The following TP53BP1 variants were observed in gnomAD, a reference collection of about 807,000 sequenced individuals.
TP53BP1 encodes the protein tumor protein p53 binding protein 1.
A neutral mutation model predicts 200.8 loss-of-function variants in TP53BP1; 61 were observed. The observed-to-expected ratio is 0.30, with a 90% confidence interval of 0.25 to 0.38. The LOEUF (loss-of-function observed/expected upper bound fraction) is 0.38. Ranked by LOEUF, TP53BP1 falls within the 10% of genes least tolerant of loss-of-function variation. The pLI, the probability that TP53BP1 is intolerant of heterozygous loss-of-function variation, is 1.00. For synonymous variants in TP53BP1, 822 were observed against 844.3 expected (o/e 0.97, Z 0.46); for missense variants, 2,144 against 2,371.9 (o/e 0.90, Z 2.00).
At chr15:43,430,852 T>C (rs1241874380) in intron 17 of TP53BP1, among the ~76,000 whole-genome samples, 1 of 152,192 alleles carries the variant, frequency 6.6e-6, no homozygotes, top group Non-Finnish European at 1.5e-5. Flanking sequence ...TTACCACAGA[T>C]TTTAGTAACT....
intron 1 of TP53BP1, among the ~76,000 whole-genome samples, chr15:43,500,010 T>A (rs535568378): frequency 3.2e-4 from 48 of 152,320 alleles, no homozygotes; most frequent in Non-Finnish European, 5.9e-4. Flanking sequence ...CTAAGTTCTA[T>A]TTACTCTCAC....
At chr15:43,427,970 A>AAAAG (rs768893730) in intron 18 of TP53BP1, 46 bp downstream of exon 18, 1 of 1,407,362 alleles carries the variant, frequency 7.1e-7, no homozygotes, top group Non-Finnish European at 9.5e-7. Flanking sequence ...AAAAAAAAAA[A>AAAAG]AAAGAAAGAA....
intron 22 of TP53BP1, 137 bp downstream of exon 22, chr15:43,416,088 C>T (rs907322660): frequency 2.4e-6 from 2 of 840,362 alleles, no homozygotes; most frequent in Non-Finnish European, 1.8e-6. Context: ...TAGAAAATGA[C>T]AGCTCATCCA....
At chr15:43,509,291 C>G (rs1035959810) in intron 1 of TP53BP1, among the ~76,000 whole-genome samples, 2 of 148,190 alleles carry the variant, frequency 1.3e-5, no homozygotes, top group Non-Finnish European at 3.0e-5. Context: ...TGCCAGTACT[C>G]TTATTTTCCC....
intron 17 of TP53BP1, 113 bp downstream of exon 17, chr15:43,432,081 C>T: frequency 7.0e-7 from 1 of 1,436,078 alleles, no homozygotes; most frequent in Non-Finnish European, 9.4e-7. Flanking sequence ...AACCACTGTT[C>T]TGTACAAAAC....
At chr15:43,472,336 C>G (rs1370447584) in intron 10 of TP53BP1, among the ~76,000 whole-genome samples, 2 of 152,130 alleles carry the variant, frequency 1.3e-5, no homozygotes, top group African/African-American at 4.8e-5. Flanking sequence ...TATACCATTA[C>G]TTGTATATGA....
chr15:43,482,893 G>A lies in TP53BP1; in HGVS notation c.372-1871C>T, dbSNP rs148912061. Among the ~76,000 whole-genome samples the A allele has an allele frequency of 5.5e-3, 836 of 152,256 alleles. 3 individuals are homozygous for A. Among genetic ancestry groups the A allele is most frequent in the Admixed American group, 9.6e-3 (147 of 15,276 alleles). On this transcript the variant is annotated intron_variant, in intron 4 of 27. Transcript: ENST00000382044. ...TGCAGTAAGCCGAGACTGCCCCACT[G>A]CACTCCAGCCTGGGCAACAGAAAAA...
intron 15 of TP53BP1, among the ~76,000 whole-genome samples, chr15:43,438,728 CAAAAAAAA>C (rs397699362): frequency 2.1e-3 from 45 of 21,648 alleles, no homozygotes; most frequent in African/African-American, 7.1e-3. Context: ...AAGCAAGAGG[CAAAAAAAA>C]AAAAAAAAAA....
In TP53BP1 at chr15:43,456,227, T is replaced by C; in HGVS notation, c.2381A>G (p.Asp794Gly). The change falls in exon 12 of 28, where the codon GAT becomes GGT. Residue 794 changes from aspartate to glycine, a missense_variant. Asp to Gly is a moderately conservative substitution (Grantham distance 94, BLOSUM62 -1). Transcript: ENST00000382044. ...ACATGGTTCTATTTCTGGAGCAATA[T>C]CCTCCCATGACTGGGAATCTGAGCA... ...EKCSDSQSWE[D>G]IAPEIEPCAE... 6.2e-7 allele frequency: 1 copy of C among 1,614,154 alleles called. No homozygotes were observed. Among genetic ancestry groups the C allele is most frequent in the Non-Finnish European group, 8.5e-7 (1 of 1,180,046 alleles).
At position 43,493,088 on chromosome 15, in the gene TP53BP1, C is replaced by A. The variant is rs1465727888; in HGVS notation, c.-45G>T. ...CGCTCGAGCTAGAGGTCTCTGCACG[C>A]TCCCCAAGTCCCTCCAGATCGATCC... is the stretch of plus-strand genomic sequence containing the variant. On this transcript the variant is annotated 5_prime_UTR_variant, in exon 1 of 28. Coordinates refer to ENST00000382044, the MANE Select transcript of TP53BP1 (RefSeq NM_001141980.3). The A allele has an allele frequency of 1.9e-6, 3 of 1,610,802 alleles. No homozygotes were observed. The highest frequency in any genetic ancestry group is 1.7e-6 in the Non-Finnish European group (2 of 1,179,198).
At chr15:43,498,134 T>G (rs974914403), upstream of TP53BP1, among the ~76,000 whole-genome samples, 11 of 152,236 alleles carry the variant, frequency 7.2e-5, no homozygotes, top group African/African-American at 2.4e-4. Context: ...ATTTGTACAT[T>G]TATATTTTAT....
rs778398934 is a variant in TP53BP1 at position 43,493,029 on chromosome 15, A to G, written c.7+8T>C. ...CCCACTGCACTCCCATTTCTCTCCA[A>G]ACAGTACCAGGCATCCCGGCGGGAG... On this transcript the variant is annotated splice_region_variant and intron_variant, in intron 1 of 27. Coordinates refer to ENST00000382044, the MANE Select transcript of TP53BP1 (RefSeq NM_001141980.3). The G allele has an allele frequency of 6.2e-7, 1 of 1,612,368 alleles. No homozygotes were observed. Among genetic ancestry groups the G allele is most frequent in the Non-Finnish European group, 8.5e-7 (1 of 1,179,370 alleles).
At position 43,492,007 on chromosome 15, in the gene TP53BP1, A is replaced by G; in HGVS notation, c.281T>C (p.Val94Ala). 6.2e-7 allele frequency: 1 copy of G among 1,613,030 alleles called. No homozygotes were observed. Among genetic ancestry groups the G allele is most frequent in the Non-Finnish European group, 8.5e-7 (1 of 1,179,044 alleles). Reference sequence around the variant, plus strand: ...GATAGCTTTAAACACCTCACCTGCAACCTTGTTTTCTTTCAAATGTTCATT... The same window carrying G: ...GATAGCTTTAAACACCTCACCTGCAGCCTTGTTTTCTTTCAAATGTTCATT... The part of the protein sequence containing the change: ...GFNEHLKENK[V>A]ADPVDSSNLD... Residue 94 changes from valine to alanine, a missense_variant, in exon 3 of 28, where the codon GTT becomes GCT. Physicochemically the swap from Val to Ala is moderately conservative, Grantham distance 64 (BLOSUM62 0). Coordinates refer to ENST00000382044, the MANE Select transcript of TP53BP1 (RefSeq NM_001141980.3).
In TP53BP1 at chr15:43,438,247, A is replaced by G. The variant is rs1341030426; in HGVS notation, c.3191+77T>C. On this transcript the variant is annotated intron_variant, in intron 16 of 27. Transcript: ENST00000382044. ...ACATGCCACATTCAAACCACAGCAC[A>G]GTACATATTAGGATTTGGGCACTAA... The G allele has an allele frequency of 7.9e-6, 10 of 1,271,218 alleles. No homozygotes were observed. In the East Asian group the frequency reaches 9.4e-5, roughly 12 times the overall value. The allele number at this position is 1,271,218 out of a possible 1,614,324, so 78.7% of individuals were successfully genotyped here.
In TP53BP1 at chr15:43,449,644, T is replaced by C. The variant is rs144374626; in HGVS notation, c.2717-2159A>G. ...ATTCCTGGATTATTACCATAGCCTA[T>C]CAATCACTTCCTCTGCCTAAAGTCT... On this transcript the variant is annotated intron_variant, in intron 12 of 27. Coordinates refer to ENST00000382044, the MANE Select transcript of TP53BP1 (RefSeq NM_001141980.3). 9.8e-5 allele frequency among the ~76,000 whole-genome samples: 15 copies of C among 152,292 alleles called. No individual in the cohort carries two copies. The East Asian group carries it at 2.9e-3, about 29-fold the overall frequency.
intron 23 of TP53BP1, among the ~76,000 whole-genome samples, chr15:43,414,694 G>T (rs1432310002): frequency 6.6e-6 from 1 of 151,858 alleles, no homozygotes; most frequent in Admixed American, 6.6e-5. Flanking sequence ...GGAGAGGGAA[G>T]AGCATACTGA....
rs750065616 is a variant in TP53BP1, at chr15:43,421,086, G to C, written c.4189C>G (p.Pro1397Ala). 6.2e-7 allele frequency: 1 copy of C among 1,614,220 alleles called. No homozygotes were observed. The highest frequency in any genetic ancestry group is 1.3e-5 in the African/African-American group (1 of 75,054). The change falls in exon 20 of 28, where the codon CCA becomes GCA. Residue 1397 changes from proline (P) to alanine (A), a missense_variant. Pro to Ala is a conservative substitution (Grantham distance 27). Transcript: ENST00000382044. ...CGCCCACGCCCACGAGGCGTGACTG[G>C]AGCCTTCCCTCCCTGTCTGATGCCA... is the stretch of plus-strand genomic sequence containing the variant. Reference protein sequence around the residue: ...GLGIRQGGKAPVTPRGRGRRG... With the variant: ...GLGIRQGGKAAVTPRGRGRRG...
At chr15:43,443,614 G>A (rs534137312) in intron 14 of TP53BP1, among the ~76,000 whole-genome samples, 1 of 152,318 alleles carries the variant, frequency 6.6e-6, no homozygotes, top group East Asian at 1.9e-4. Context: ...AGGATCGCTT[G>A]AGCCTGGGAG....
Position 43,420,590 on chromosome 15 carries a change from C to T in TP53BP1, c.4396G>A (p.Asp1466Asn). 1 of 1,614,164 alleles carries T rather than the reference C, an allele frequency of 6.2e-7. No individual in the cohort carries two copies. Among genetic ancestry groups the T allele is most frequent in the Non-Finnish European group, 8.5e-7 (1 of 1,180,032 alleles). ...DVGAGALRRS[D>N]SPEIPFQAAA... ...GCCTGGAAAGGAATTTCTGGAGAGTCACTACGACGCAAAGCACCAGCACCC... is the reference window on the plus strand; with the variant it reads ...GCCTGGAAAGGAATTTCTGGAGAGTTACTACGACGCAAAGCACCAGCACCC... Residue 1466 changes from aspartate to asparagine, a missense_variant, in exon 21 of 28, where the codon GAC becomes AAC. Asp to Asn is a conservative substitution (Grantham distance 23). Around this residue, in one of 4 missense-constraint regions of TP53BP1, gnomAD observed 49 missense variants for 60.7 expected, o/e 0.81. Transcript: ENST00000382044.
Sources: allele counts gnomAD v4.1 joint callset (sites outside exome capture counted in the v4.1 genomes callset), GRCh38; gene constraint gnomAD v4.1.1; regional missense constraint gnomAD v4.1.1; transcripts MANE v1.5; gene names NCBI Gene and HGNC (gene_info 2026-07-23, HGNC 2026-07-21).